TMEM164: variants seen among roughly 807,000 people sequenced by gnomAD.
TMEM164 encodes RP13-360B22.2.
A neutral mutation model predicts 18.8 loss-of-function variants in TMEM164; 4 were observed. That is an observed-to-expected ratio of 0.21 (90% confidence interval 0.10 to 0.49). TMEM164 has a LOEUF of 0.49. TMEM164 is among the 20% of genes least tolerant of loss of function. The pLI is 0.98. For missense variants in TMEM164, 108 were observed against 239.9 expected (o/e 0.45, Z 3.63); for synonymous variants, 86 against 101.7 (o/e 0.85, Z 0.93).
At chrX:110,133,077 G>A (rs773154827) in intron 4 of TMEM164, among the ~76,000 whole-genome samples, 28 of 112,056 alleles carry the variant, frequency 2.5e-4, no homozygotes, top group Admixed American at 5.7e-4. Flanking sequence ...TTCCACTGGT[G>A]AGTGGCTATC....
chrX:110,067,205 T>C, intron 2 of TMEM164, 142 bp from the exon 3 acceptor site: 1 of 495,461 alleles, frequency 2.0e-6, no homozygotes, highest in South Asian at 2.8e-5. Context: ...AGCACAAACA[T>C]GTACCTGTTG....
chrX:110,021,735 G>A (rs970744797), intron 2 of TMEM164, among the ~76,000 whole-genome samples: 1 of 111,989 alleles, frequency 8.9e-6, no homozygotes, highest in Non-Finnish European at 1.9e-5. Context: ...TAATGGTTGG[G>A]GACTAGGCTG....
At chrX:110,153,066 C>G (rs1602718693) in intron 5 of TMEM164, among the ~76,000 whole-genome samples, 1 of 111,753 alleles carries the variant, frequency 8.9e-6, no homozygotes, top group East Asian at 2.8e-4. Flanking sequence ...TGCCTCTGTG[C>G]CTTTGAAAAT....
intron 2 of TMEM164, among the ~76,000 whole-genome samples, chrX:110,054,848 A>G (rs1298210777): frequency 3.6e-5 from 4 of 112,131 alleles, no homozygotes; most frequent in Non-Finnish European, 7.5e-5. Flanking sequence ...CACCAGGCTG[A>G]TAAGTCGATT....
At chrX:110,141,881 TC>T (rs200578479) in intron 4 of TMEM164, among the ~76,000 whole-genome samples, 5,583 of 111,732 alleles carry the variant, frequency 0.05, 153 homozygotes, top group Non-Finnish European at 0.074. Flanking sequence ...TCCTTCTTTT[TC>T]CACACTTCCT....
intron 2 of TMEM164, among the ~76,000 whole-genome samples, chrX:110,004,374 C>G (rs773311826): frequency 5.4e-5 from 6 of 111,393 alleles, no homozygotes; most frequent in Admixed American, 3.8e-4. Flanking sequence ...GGTGAGGAAC[C>G]TTGTGCCTGA....
downstream of TMEM164, among the ~76,000 whole-genome samples, chrX:110,180,495 C>CCCG (rs377147913): frequency 7.1e-3 from 773 of 108,728 alleles, 7 homozygotes; most frequent in African/African-American, 0.026. Flanking sequence ...ACCCCCCCGC[C>CCCG]CCGCCCACAG....
At chrX:110,062,877 C>G (rs1936178298) in intron 2 of TMEM164, among the ~76,000 whole-genome samples, 1 of 111,207 alleles carries the variant, frequency 9.0e-6, no homozygotes, top group Non-Finnish European at 1.9e-5. Flanking sequence ...AATGGCAGAT[C>G]AGAGGGGCAT....
intron 4 of TMEM164, 146 bp from the exon 5 acceptor site, chrX:110,144,652 T>C (rs763095075): frequency 2.2e-4 from 82 of 371,338 alleles, no homozygotes; most frequent in African/African-American, 1.7e-3. Flanking sequence ...CTTTTTTTTT[T>C]CCTGCAATTG....
At chrX:110,107,073 C>T (rs1366950836) in intron 3 of TMEM164, among the ~76,000 whole-genome samples, 2 of 110,982 alleles carry the variant, frequency 1.8e-5, no homozygotes, top group Non-Finnish European at 3.8e-5. Context: ...CCTTTGAAAT[C>T]TTATTAAGCC....
chrX:110,067,852 A>G (rs1050215589), intron 3 of TMEM164, among the ~76,000 whole-genome samples: 7 of 112,663 alleles, frequency 6.2e-5, no homozygotes, highest in Non-Finnish European at 1.3e-4. Context: ...GAAAATGTCC[A>G]CTATTACAAG....
At chrX:110,017,405 C>CTTTTCTTTCTTTCCTT (rs1933450318) in intron 2 of TMEM164, among the ~76,000 whole-genome samples, 1 of 15,288 alleles carries the variant, frequency 6.5e-5, no homozygotes, top group South Asian at 5.5e-3. Context: ...CCACCTCCTT[C>CTTTTCTTTCTTTCCTT]CTTTCTTTCT....
At chrX:110,040,164 A>T (rs1935027550) in intron 2 of TMEM164, among the ~76,000 whole-genome samples, 1 of 112,128 alleles carries the variant, frequency 8.9e-6, no homozygotes, top group Non-Finnish European at 1.9e-5. Flanking sequence ...CTCTTGAAAA[A>T]CTGTTTATGA....
At chrX:110,071,716 CAAA>C (rs59182790) in intron 3 of TMEM164, among the ~76,000 whole-genome samples, 1 of 43,378 alleles carries the variant, frequency 2.3e-5, no homozygotes, top group Non-Finnish European at 3.7e-5. Context: ...TTTGTCTCTA[CAAA>C]AAAAAAAAAA....
intron 4 of TMEM164, among the ~76,000 whole-genome samples, chrX:110,119,500 A>G (rs1226634937): frequency 1.8e-5 from 2 of 111,979 alleles, no homozygotes; most frequent in African/African-American, 6.5e-5. Context: ...AGTAACAACT[A>G]TTAACATTGT....
intron 3 of TMEM164, among the ~76,000 whole-genome samples, chrX:110,078,903 TTAAAGA>T (rs967481753): frequency 4.5e-5 from 5 of 111,983 alleles, no homozygotes; most frequent in African/African-American, 9.7e-5. Flanking sequence ...GAAAATGGAA[TTAAAGA>T]TAAAGATAAA....
chrX:110,106,990 C>G (rs2066213400), intron 3 of TMEM164, among the ~76,000 whole-genome samples: 1 of 112,304 alleles, frequency 8.9e-6, no homozygotes, highest in Admixed American at 9.4e-5. Context: ...TTTTATGGAC[C>G]AGGCCAAGCC....
At chrX:110,030,511 A>G (rs1487717593) in intron 2 of TMEM164, among the ~76,000 whole-genome samples, 1 of 107,323 alleles carries the variant, frequency 9.3e-6, no homozygotes, top group Non-Finnish European at 1.9e-5. Flanking sequence ...ATCAAGAGAC[A>G]GTTGCCATTT....
At chrX:110,024,991 G>GCT (rs1934114150) in intron 2 of TMEM164, among the ~76,000 whole-genome samples, 2 of 100,188 alleles carry the variant, frequency 2.0e-5, no homozygotes, top group African/African-American at 7.4e-5. Flanking sequence ...GTTATTGTTG[G>GCT]GTGTGTGTGT....
Sources: allele counts gnomAD v4.1 joint callset (sites outside exome capture counted in the v4.1 genomes callset), GRCh38; gene constraint gnomAD v4.1.1; transcripts MANE v1.5; gene names NCBI Gene and HGNC (gene_info 2026-07-23, HGNC 2026-07-21).